Variants in SDK1 observed in about 807,000 individuals in gnomAD.
SDK1 encodes protein sidekick-1.
In SDK1, 157 loss-of-function variants were observed where a neutral mutation model predicts 245.5. The observed-to-expected ratio is 0.64, with a 90% CI of 0.56 to 0.73. The LOEUF (loss-of-function observed/expected upper bound fraction) is 0.73, where lower values mean the gene tolerates loss of function less well. SDK1 is among the 30% of genes least tolerant of loss of function. The probability of loss-of-function intolerance (pLI) is 0.00; values close to 1 mark genes in which losing one functional copy is unlikely to be tolerated. For synonymous variants in SDK1, 1,647 were observed against 1,278.5 expected (o/e 1.29, Z -6.15); for missense variants, 3,583 against 3,002.3 (o/e 1.19, Z -4.52).
At chr7:3,717,540 A>G (rs1785239154) in intron 4 of SDK1, among the ~76,000 whole-genome samples, 1 of 152,230 alleles carries the variant, frequency 6.6e-6, no homozygotes, top group Non-Finnish European at 1.5e-5. Flanking sequence ...GAAAAAGCAG[A>G]TAATAAGAGA....
At chr7:4,004,778 A>T (rs1056752650) in intron 14 of SDK1, among the ~76,000 whole-genome samples, 14 of 152,232 alleles carry the variant, frequency 9.2e-5, no homozygotes, top group African/African-American at 3.1e-4. Flanking sequence ...AATAGTAGTC[A>T]TTAATATCAC....
chr7:3,710,541 AGT>A (rs1025480708), intron 4 of SDK1, among the ~76,000 whole-genome samples: 1 of 152,072 alleles, frequency 6.6e-6, no homozygotes, highest in African/African-American at 2.4e-5. Context: ...CATGCTTGAC[AGT>A]GTAGTTTCTC....
At chr7:4,191,073 C>T (rs1156230709) in intron 35 of SDK1, among the ~76,000 whole-genome samples, 1 of 152,232 alleles carries the variant, frequency 6.6e-6, no homozygotes, top group South Asian at 2.1e-4. Context: ...TTCCACCCTT[C>T]AGGGGATCCC....
At chr7:4,230,906 G>A (rs957530667) in intron 40 of SDK1, among the ~76,000 whole-genome samples, 2 of 152,186 alleles carry the variant, frequency 1.3e-5, no homozygotes, top group Admixed American at 6.5e-5. Flanking sequence ...CAGGCTGTGC[G>A]TAAGTCATTA....
At position 3,554,938 on chromosome 7, in the gene SDK1, G is replaced by A. The variant is rs558982868; in HGVS notation, c.299-64142G>A. ...TTTTGCAAGAAATTGAAGAGGACAC[G>A]CAAAAAAATGGAAAGATATTACATG... On this transcript the variant is annotated intron_variant, in intron 1 of 44. Transcript: ENST00000404826. 9.4e-4 allele frequency among the ~76,000 whole-genome samples: 143 copies of A among 152,102 alleles called. 1 individual carries two copies. The highest frequency in any genetic ancestry group is 3.1e-3 in the African/African-American group (129 of 41,516).
At chr7:4,022,612 G>A (rs1432754357) in intron 17 of SDK1, among the ~76,000 whole-genome samples, 1 of 152,058 alleles carries the variant, frequency 6.6e-6, no homozygotes, top group African/African-American at 2.4e-5. Flanking sequence ...CTGCTGCAGG[G>A]GGAGGTAGCA....
At chr7:3,904,998 A>ATAAT (rs1247169483) in intron 5 of SDK1, among the ~76,000 whole-genome samples, 1 of 131,368 alleles carries the variant, frequency 7.6e-6, no homozygotes, top group African/African-American at 3.7e-5. Flanking sequence ...GTCTCAAAAA[A>ATAAT]AAAAAAAAAA....
intron 4 of SDK1, among the ~76,000 whole-genome samples, chr7:3,725,554 C>A (rs1036089374): frequency 6.6e-6 from 1 of 152,164 alleles, no homozygotes; most frequent in East Asian, 1.9e-4. Flanking sequence ...TATTCCAGCA[C>A]CTTTAGCTCA....
intron 1 of SDK1, among the ~76,000 whole-genome samples, chr7:3,455,617 C>G (rs189099223): frequency 1.3e-5 from 2 of 152,246 alleles, no homozygotes; most frequent in Non-Finnish European, 2.9e-5. Context: ...TCTGGCTTCT[C>G]TACTCTGTTC....
intron 1 of SDK1, among the ~76,000 whole-genome samples, chr7:3,572,790 T>G (rs1411856163): frequency 1.3e-5 from 2 of 151,992 alleles, no homozygotes; most frequent in Non-Finnish European, 2.9e-5. Context: ...GACAAGTGCG[T>G]GGGCTAAACA....
intron 1 of SDK1, among the ~76,000 whole-genome samples, chr7:3,551,495 A>T (rs1350433494): frequency 6.6e-6 from 1 of 152,042 alleles, no homozygotes; most frequent in South Asian, 2.1e-4. Flanking sequence ...GGACACATTT[A>T]TACATCATTT....
intron 25 of SDK1, among the ~76,000 whole-genome samples, chr7:4,115,526 A>G (rs1395305894): frequency 6.6e-6 from 1 of 152,162 alleles, no homozygotes; most frequent in Non-Finnish European, 1.5e-5. Flanking sequence ...TGCGTTAATG[A>G]GAATATTTGG....
intron 5 of SDK1, among the ~76,000 whole-genome samples, chr7:3,852,619 C>T (rs534985797): frequency 3.8e-4 from 57 of 150,854 alleles, no homozygotes; most frequent in African/African-American, 3.9e-4. Flanking sequence ...GGCTTGGTGG[C>T]GGGCACCTGT....
At chr7:3,981,871 A>G (rs1450972446) in intron 13 of SDK1, among the ~76,000 whole-genome samples, 1 of 152,250 alleles carries the variant, frequency 6.6e-6, no homozygotes, top group Admixed American at 6.5e-5. Flanking sequence ...GTGCTGATGG[A>G]GAAACTTGGT....
At chr7:3,634,677 C>T (rs74602008) in intron 2 of SDK1, among the ~76,000 whole-genome samples, 1 of 152,294 alleles carries the variant, frequency 6.6e-6, no homozygotes, top group African/African-American at 2.4e-5. Flanking sequence ...AATGAATATT[C>T]CCATCTGTTA....
At chr7:3,799,668 G>A (rs1222725162) in intron 4 of SDK1, among the ~76,000 whole-genome samples, 1 of 138,350 alleles carries the variant, frequency 7.2e-6, no homozygotes, top group African/African-American at 2.7e-5. Context: ...TCGCGCCACT[G>A]CACTCCAGCC....
In SDK1 at chr7:3,821,512, A is replaced by G; in HGVS notation, c.776A>G (p.Tyr259Cys). ...LATTTSDAGAYYVQAVNEKNG... is the reference protein window; with the variant it reads ...LATTTSDAGACYVQAVNEKNG... ...ACCACAACCAGTGATGCCGGGGCAT[A>G]CTACGTGCAGGCCGTGAATGAGAAA... The change falls in exon 5 of 45, where the codon TAC becomes TGC. Residue 259 changes from tyrosine (Y) to cysteine (C), a missense_variant. Transcript: ENST00000404826. 1.2e-6 allele frequency: 2 copies of G among 1,614,004 alleles called. No homozygotes were observed. Among genetic ancestry groups the G allele is most frequent in the African/African-American group, 1.3e-5 (1 of 75,048 alleles).
At chr7:4,190,851 C>A (rs778341570) in intron 35 of SDK1, among the ~76,000 whole-genome samples, 1 of 152,238 alleles carries the variant, frequency 6.6e-6, no homozygotes, top group Non-Finnish European at 1.5e-5. Context: ...GCAGACACAG[C>A]CCCCGAGGGA....
rs56948307 is a variant in SDK1 at position 3,375,741 on chromosome 7, G to A, written c.298+73857G>A. The stretch of plus-strand genomic sequence containing the variant: ...CATGTGGGTGAGCCATCTGGGAAGT[G>A]GATCCTCCAGCCCCAGGGAAGCCTT... On this transcript the variant is annotated intron_variant, in intron 1 of 44. Coordinates refer to ENST00000404826, the MANE Select transcript of SDK1 (RefSeq NM_152744.4). Among the ~76,000 whole-genome samples the A allele has an allele frequency of 1.6e-4, 24 of 152,256 alleles. No homozygotes were observed. The East Asian group carries it at 4.6e-3, about 29-fold the overall frequency.
Sources: gnomAD v4.1 joint callset for allele counts (sites outside exome capture counted in the v4.1 genomes callset) on GRCh38, gnomAD v4.1.1 for gene constraint, MANE v1.5 for transcripts, NCBI Gene and HGNC (gene_info 2026-07-23, HGNC 2026-07-21) for gene names.